The following CNTNAP2 variants were observed in gnomAD, a reference collection of about 807,000 sequenced individuals.
CNTNAP2 encodes contactin-associated protein-like 2.
CNTNAP2 carries 98 observed loss-of-function variants against 155.2 expected under a neutral mutation model. The observed-to-expected ratio is 0.63, with a 90% CI of 0.54 to 0.75. CNTNAP2 has a LOEUF of 0.75. Among genes scored for constraint, CNTNAP2 ranks in the 30% least tolerant of loss-of-function variants. CNTNAP2 has a pLI of 0.00. For missense variants in CNTNAP2, 1,727 were observed against 1,688.1 expected, an observed-to-expected ratio of 1.02 and a Z score of -0.40; for synonymous variants, 651 against 631.2, an observed-to-expected ratio of 1.03 and a Z score of -0.47.
intron 18 of CNTNAP2, among the ~76,000 whole-genome samples, chr7:148,174,110 CTTA>C (rs927230476): frequency 3.9e-5 from 6 of 152,164 alleles, no homozygotes; most frequent in African/African-American, 1.4e-4. Context: ...TAAATATTTC[CTTA>C]TTATCTGTTT....
At chr7:148,332,794 T>C (rs945604953) in intron 21 of CNTNAP2, among the ~76,000 whole-genome samples, 6 of 152,226 alleles carry the variant, frequency 3.9e-5, no homozygotes, top group African/African-American at 1.4e-4. Flanking sequence ...TGAACGATGC[T>C]TCAGGGCTCC....
rs60527974 is a variant in CNTNAP2 at position 147,991,271 on chromosome 7, T to C, written c.2383+13282T>C. Among the ~76,000 whole-genome samples the C allele has an allele frequency of 6.2e-4, 94 of 152,306 alleles. No homozygotes were observed. In the East Asian group the frequency reaches 0.015, roughly 24 times the overall value. ...GGTGCCAAGGACAATGCCTGCCACA[T>C]TGAGGCACTCAGACATGTGTTCATT... is the stretch of plus-strand genomic sequence containing the variant. On this transcript the variant is annotated intron_variant, in intron 15 of 23. Transcript: ENST00000361727.
At chr7:146,661,229 C>A (rs556858414) in intron 1 of CNTNAP2, among the ~76,000 whole-genome samples, 1 of 152,142 alleles carries the variant, frequency 6.6e-6, no homozygotes, top group South Asian at 2.1e-4. Flanking sequence ...ACAGGCAGCC[C>A]TGGGTGAAAC....
intron 15 of CNTNAP2, among the ~76,000 whole-genome samples, chr7:148,007,165 A>G (rs1801997243): frequency 2.0e-5 from 3 of 152,190 alleles, no homozygotes; most frequent in Admixed American, 2.0e-4. Context: ...GAGTTTATTG[A>G]TGGAAAATTG....
Position 146,713,378 on chromosome 7 carries a change from G to A in CNTNAP2, c.98-60893G>A, listed in dbSNP as rs1801132524. Among the ~76,000 whole-genome samples, 4 of 152,156 alleles carry A rather than the reference G, an allele frequency of 2.6e-5. No individual in the cohort carries two copies. In the South Asian group the frequency reaches 8.3e-4, roughly 32 times the overall value. On this transcript the variant is annotated intron_variant, in intron 1 of 23. Transcript: ENST00000361727. ...AATCAATACTTTTGCTTCTCTGGAA[G>A]GCCATTTGCTTTGTAGCTTGCTTCT...
chr7:146,628,320 A>G (rs724216), intron 1 of CNTNAP2, among the ~76,000 whole-genome samples: 72,506 of 151,860 alleles, frequency 0.48, 18,181 homozygotes, highest in Non-Finnish European at 0.56. Flanking sequence ...TGCGGAATCT[A>G]TGAAAGCTAA....
At chr7:147,275,108 G>A (rs560921649) in intron 8 of CNTNAP2, among the ~76,000 whole-genome samples, 4 of 152,088 alleles carry the variant, frequency 2.6e-5, no homozygotes, top group East Asian at 1.9e-4. Context: ...TCCTTGCTTC[G>A]TTCCTTGTGC....
chr7:148,032,933 T>C (rs962158904), intron 15 of CNTNAP2, among the ~76,000 whole-genome samples: 2 of 152,102 alleles, frequency 1.3e-5, no homozygotes, highest in African/African-American at 4.8e-5. Context: ...TTGTAGTCCA[T>C]GAATTCATGA....
chr7:146,368,675 A>G (rs535932554), intron 1 of CNTNAP2, among the ~76,000 whole-genome samples: 4 of 152,238 alleles, frequency 2.6e-5, no homozygotes, highest in Admixed American at 6.5e-5. Context: ...GTTCATTCAG[A>G]TAAGTGTCCC....
rs549624437 is a variant in CNTNAP2, at chr7:147,507,592, A to G, written c.1777+21551A>G. On this transcript the variant is annotated intron_variant, in intron 11 of 23. Coordinates refer to ENST00000361727, the MANE Select transcript of CNTNAP2 (RefSeq NM_014141.6). ...TTTTTTTTTGGAGTCTCGCTCTGTC[A>G]CCCAGGCTGGAGTGCAGTAGGGCAA... Among the ~76,000 whole-genome samples, 30 of 120,326 alleles carry G rather than the reference A, an allele frequency of 2.5e-4. No homozygotes were observed. The South Asian group carries it at 6.0e-3, about 24-fold the overall frequency. 78.9% of individuals were successfully genotyped at this position (120,326 alleles called of 152,430 possible).
At chr7:147,327,278 A>G (rs541471785) in intron 9 of CNTNAP2, among the ~76,000 whole-genome samples, 21 of 152,326 alleles carry the variant, frequency 1.4e-4, no homozygotes, top group South Asian at 8.3e-4. Flanking sequence ...TATGATGTCC[A>G]TTGAAGAGCC....
chr7:147,293,523 TG>T (rs1329256636), intron 8 of CNTNAP2, among the ~76,000 whole-genome samples: 2 of 152,308 alleles, frequency 1.3e-5, no homozygotes, highest in Non-Finnish European at 2.9e-5. Flanking sequence ...TGCCTAAAGA[TG>T]AATTCATATT....
At chr7:146,797,843 G>C (rs1331150417) in intron 2 of CNTNAP2, among the ~76,000 whole-genome samples, 1 of 152,198 alleles carries the variant, frequency 6.6e-6, no homozygotes, top group African/African-American at 2.4e-5. Context: ...TGACAAGATA[G>C]AGATACAAAG....
intron 4 of CNTNAP2, among the ~76,000 whole-genome samples, chr7:147,066,712 G>C (rs962289925): frequency 6.6e-6 from 1 of 152,152 alleles, no homozygotes; most frequent in South Asian, 2.1e-4. Context: ...AAACAGGTTT[G>C]CTTTCCCTAA....
rs1799967268 is a variant in CNTNAP2 at position 147,557,148 on chromosome 7, C to T, written c.1778-4990C>T. ...ACATGTTGGCAGGCACCTGTAATCC[C>T]AGCTGCTTGGGAAGCTAACGCAAGA... On this transcript the variant is annotated intron_variant, in intron 11 of 23. Transcript: ENST00000361727. Among the ~76,000 whole-genome samples the T allele has an allele frequency of 2.0e-5, 3 of 151,904 alleles. No homozygotes were observed. The South Asian group carries it at 6.2e-4, about 32-fold the overall frequency.
chr7:147,841,439 G>C (rs979479213), intron 13 of CNTNAP2, among the ~76,000 whole-genome samples: 1 of 152,120 alleles, frequency 6.6e-6, no homozygotes, highest in Non-Finnish European at 1.5e-5. Context: ...GGGAAAGACC[G>C]AGACTGAGAT....
chr7:146,485,313 A>T (rs1385509527), intron 1 of CNTNAP2, among the ~76,000 whole-genome samples: 1 of 152,148 alleles, frequency 6.6e-6, no homozygotes, highest in African/African-American at 2.4e-5. Context: ...GGGAGGGAGG[A>T]TGTAAGATGC....
At chr7:146,523,173 G>A (rs1429773946) in intron 1 of CNTNAP2, among the ~76,000 whole-genome samples, 1 of 151,912 alleles carries the variant, frequency 6.6e-6, no homozygotes, top group Non-Finnish European at 1.5e-5. Context: ...AGTCCCCAAA[G>A]TCCATTGGTT....
chr7:147,331,818 G>A lies in CNTNAP2; in HGVS notation c.1498+31528G>A, dbSNP rs547529728. Reference sequence around the variant, plus strand: ...CTTCTTGCCCCTTGTTCATCTCATTGCCCATGGAACTAACCAATGATCAGT... The same window carrying A: ...CTTCTTGCCCCTTGTTCATCTCATTACCCATGGAACTAACCAATGATCAGT... On this transcript the variant is annotated intron_variant, in intron 9 of 23. Transcript: ENST00000361727. Among the ~76,000 whole-genome samples, 10 of 152,216 alleles carry A rather than the reference G, an allele frequency of 6.6e-5. No individual in the cohort carries two copies. The East Asian group carries it at 1.9e-3, about 29-fold the overall frequency.
Sources: gnomAD v4.1 joint callset for allele counts (sites outside exome capture counted in the v4.1 genomes callset) on GRCh38, gnomAD v4.1.1 for gene constraint, MANE v1.5 for transcripts, NCBI Gene and HGNC (gene_info 2026-07-23, HGNC 2026-07-21) for gene names.